The following ARMH3 variants were observed in gnomAD, a reference collection of about 807,000 sequenced individuals.
The protein encoded by ARMH3 is armadillo like helical domain containing 3.
ARMH3 carries 60 observed loss-of-function variants against 99.1 expected under a neutral mutation model. The ratio of observed to expected loss-of-function variants is 0.61; its 90% CI spans 0.49 to 0.75. The LOEUF (loss-of-function observed/expected upper bound fraction) is 0.75, where lower values mean the gene tolerates loss of function less well. ARMH3 is among the 30% of genes least tolerant of loss of function. The pLI is 0.00. For synonymous variants in ARMH3, 285 were observed against 292.8 expected (o/e 0.97, Z 0.27); for missense variants, 679 against 843.1 (o/e 0.81, Z 2.41).
chr10:101,873,592 C>T (rs949748999), intron 24 of ARMH3, among the ~76,000 whole-genome samples: 2 of 152,076 alleles, frequency 1.3e-5, no homozygotes, highest in African/African-American at 4.8e-5. Flanking sequence ...AAGTTTAAAA[C>T]ACTTTTATCA....
rs1455153969 is a variant in ARMH3, at chr10:102,029,687, T to C, written c.365A>G (p.Asp122Gly). Residue 122 changes from aspartate to glycine, a missense_variant, in exon 5 of 26, where the codon GAC becomes GGC. This residue lies in a region of ARMH3 where 280 missense variants were observed against 354.6 expected (regional missense o/e 0.79). Coordinates refer to ENST00000370033, the MANE Select transcript of ARMH3 (RefSeq NM_024541.3). ...HQKNKSTSGF[D>G]IINMLMGFDK... ...AAAGCCCATCAGCATGTTGATAATG[T>C]CAAACCCAGAGGTAGACTTATTCTT... 1 of 1,614,170 alleles carries C rather than the reference T, an allele frequency of 6.2e-7. No homozygotes were observed. The highest frequency in any genetic ancestry group is 8.5e-7 in the Non-Finnish European group (1 of 1,180,040).
chr10:101,990,485 A>T, intron 19 of ARMH3, 66 bp downstream of exon 19: 2 of 1,333,104 alleles, frequency 1.5e-6, no homozygotes, highest in Non-Finnish European at 2.1e-6. Context: ...CAGACCATGA[A>T]TTTTCTAACA....
intron 12 of ARMH3, 24 bp from the exon 13 acceptor site, chr10:102,009,473 G>T: frequency 6.3e-7 from 1 of 1,598,678 alleles, no homozygotes; most frequent in South Asian, 1.1e-5. Flanking sequence ...GAACAAATTG[G>T]AGCAGTTTTT....
intron 22 of ARMH3, among the ~76,000 whole-genome samples, chr10:101,944,298 A>C (rs1352219660): frequency 7.9e-6 from 1 of 126,998 alleles, no homozygotes; most frequent in Non-Finnish European, 1.6e-5. Flanking sequence ...AGAGAGAGAG[A>C]GAGAGAGAGA....
At chr10:101,896,786 G>C (rs1180657967) in intron 23 of ARMH3, among the ~76,000 whole-genome samples, 1 of 152,208 alleles carries the variant, frequency 6.6e-6, no homozygotes, top group African/African-American at 2.4e-5. Flanking sequence ...AGAAGCTGGA[G>C]TTTCAGGAGC....
At chr10:101,907,478 G>A (rs1842685149) in intron 23 of ARMH3, among the ~76,000 whole-genome samples, 1 of 151,946 alleles carries the variant, frequency 6.6e-6, no homozygotes, top group Admixed American at 6.6e-5. Flanking sequence ...CGCCGCCTGG[G>A]TTCAAGTGAT....
chr10:101,985,118 CAT>C (rs543289024), intron 19 of ARMH3, among the ~76,000 whole-genome samples: 51 of 145,016 alleles, frequency 3.5e-4, no homozygotes, highest in African/African-American at 1.1e-3. Context: ...CACACGTGTA[CAT>C]ATATATACAC....
chr10:101,948,740 C>T lies in ARMH3; in HGVS notation c.1705+7857G>A, dbSNP rs35729898. 3.4e-3 allele frequency among the ~76,000 whole-genome samples: 514 copies of T among 151,878 alleles called. 2 individuals carry two copies. Among genetic ancestry groups the T allele is most frequent in the Non-Finnish European group, 5.7e-3 (386 of 67,896 alleles). On this transcript the variant is annotated intron_variant, in intron 22 of 25. Transcript: ENST00000370033. The stretch of plus-strand genomic sequence containing the variant: ...GAAAACAGAGAACAATATTATCATA[C>T]AACTCAACCAAACTGAAACTTACAG...
chr10:102,039,946 G>A (rs1329483972), intron 2 of ARMH3, 67 bp downstream of exon 2: 3 of 1,412,948 alleles, frequency 2.1e-6, no homozygotes, highest in African/African-American at 1.4e-5. Flanking sequence ...CAGAGGTAAG[G>A]GTATTTCTCA....
chr10:102,037,747 C>T (rs143895044), intron 2 of ARMH3, among the ~76,000 whole-genome samples: 1 of 152,094 alleles, frequency 6.6e-6, no homozygotes, highest in East Asian at 1.9e-4. Flanking sequence ...ATACATACCA[C>T]TACACCCACT....
chr10:101,999,635 G>T (rs2066302811), intron 15 of ARMH3, among the ~76,000 whole-genome samples: 1 of 152,108 alleles, frequency 6.6e-6, no homozygotes, highest in Non-Finnish European at 1.5e-5. Context: ...CTGAAATAGG[G>T]ACTAAATATT....
At chr10:102,032,361 A>C (rs1396367981) in intron 4 of ARMH3, among the ~76,000 whole-genome samples, 1 of 152,140 alleles carries the variant, frequency 6.6e-6, no homozygotes, top group Non-Finnish European at 1.5e-5. Flanking sequence ...ACCTAACATA[A>C]AGAACAGTTT....
intron 20 of ARMH3, among the ~76,000 whole-genome samples, chr10:101,973,945 T>C (rs1845882529): frequency 6.6e-6 from 1 of 152,212 alleles, no homozygotes; most frequent in Non-Finnish European, 1.5e-5. Flanking sequence ...CTAACAATCA[T>C]ACAACTATCC....
At chr10:101,889,588 G>A (rs560502137) in intron 23 of ARMH3, 98 bp from the exon 24 acceptor site, 2 of 1,119,022 alleles carry the variant, frequency 1.8e-6, no homozygotes, top group African/African-American at 3.1e-5. Context: ...TAGAGTACTA[G>A]AGCATGGGAC....
intron 23 of ARMH3, among the ~76,000 whole-genome samples, chr10:101,922,649 T>C (rs1340626366): frequency 6.6e-6 from 1 of 152,226 alleles, no homozygotes; most frequent in South Asian, 2.1e-4. Flanking sequence ...AAATAGTTCA[T>C]TTTTTGCATA....
rs758025400 is a variant in ARMH3 at position 101,849,827 on chromosome 10, C to G, written c.1926G>C (p.Gln642His). The G allele has an allele frequency of 1.9e-6, 3 of 1,614,210 alleles. No individual in the cohort carries two copies. Among genetic ancestry groups the G allele is most frequent in the South Asian group, 2.2e-5 (2 of 91,092 alleles). ...LTLKLQDGLD[Q>H]YERYSEQHKE... is the part of the protein sequence containing the mutation. ...TGTGCTGCTCTGAGTAGCGCTCATACTGGTCCAGGCCATCCTGCAGCTTCA... is the reference window on the plus strand; with the variant it reads ...TGTGCTGCTCTGAGTAGCGCTCATAGTGGTCCAGGCCATCCTGCAGCTTCA... Residue 642 changes from glutamine (Q) to histidine (H), a missense_variant, in exon 25 of 26, where the codon CAG becomes CAC. Coordinates refer to ENST00000370033, the MANE Select transcript of ARMH3 (RefSeq NM_024541.3).
intron 24 of ARMH3, among the ~76,000 whole-genome samples, chr10:101,866,613 T>A (rs2067010771): frequency 6.6e-6 from 1 of 152,184 alleles, no homozygotes; most frequent in Admixed American, 6.5e-5. Flanking sequence ...ATGCAGCTTT[T>A]ATGTGGATGG....
At chr10:101,875,121 A>C (rs562406461) in intron 24 of ARMH3, among the ~76,000 whole-genome samples, 1 of 152,210 alleles carries the variant, frequency 6.6e-6, no homozygotes, top group African/African-American at 2.4e-5. Context: ...TTACTGCACT[A>C]AAGATACTTA....
At chr10:102,014,812 G>A (rs976234655) in intron 8 of ARMH3, among the ~76,000 whole-genome samples, 3 of 152,130 alleles carry the variant, frequency 2.0e-5, no homozygotes, top group Non-Finnish European at 4.4e-5. Context: ...CTCCTACAAG[G>A]GGGATGAGAA....
Sources: allele counts gnomAD v4.1 joint callset (sites outside exome capture counted in the v4.1 genomes callset), GRCh38; gene constraint gnomAD v4.1.1; regional missense constraint gnomAD v4.1.1; transcripts MANE v1.5; gene names NCBI Gene and HGNC (gene_info 2026-07-23, HGNC 2026-07-21).